PEMT: variants seen among roughly 807,000 people sequenced by gnomAD.
PEMT encodes the protein phosphatidylethanolamine N-methyltransferase.
PEMT carries 23 observed loss-of-function variants against 27.4 expected under a neutral mutation model. That is an observed-to-expected ratio of 0.84 (90% CI 0.60 to 1.19). PEMT has a LOEUF of 1.19. Ranked by LOEUF, PEMT falls within the 50% of genes most tolerant of loss-of-function variation. PEMT has a pLI of 0.00. For missense variants in PEMT, 307 were observed against 310.1 expected, an observed-to-expected ratio of 0.99 and a Z score of 0.07; for synonymous variants, 137 against 139.1, an observed-to-expected ratio of 0.98 and a Z score of 0.11.
chr17:17,552,737 G>A (rs1325845817), intron 2 of PEMT, among the ~76,000 whole-genome samples: 1 of 152,250 alleles, frequency 6.6e-6, no homozygotes, highest in Admixed American at 6.5e-5. Flanking sequence ...CTCTGCTGTC[G>A]TTTCGACATG....
chr17:17,515,845 T>A (rs1249116553), intron 3 of PEMT, among the ~76,000 whole-genome samples: 3 of 152,206 alleles, frequency 2.0e-5, no homozygotes, highest in Non-Finnish European at 4.4e-5. Context: ...TTCATTTGCC[T>A]TGGGTTCTAT....
intron 2 of PEMT, chr17:17,570,590 G>A (rs1284971199): frequency 2.0e-6 from 2 of 985,334 alleles, no homozygotes; most frequent in African/African-American, 1.7e-5. Context: ...GGTAACAAAG[G>A]TCTGTGGGCA....
intron 2 of PEMT, among the ~76,000 whole-genome samples, chr17:17,530,856 T>C (rs867520678): frequency 1.2e-4 from 19 of 152,056 alleles, no homozygotes; most frequent in African/African-American, 4.6e-4. Context: ...CATGATTTAT[T>C]TCTATTTCTA....
At chr17:17,547,837 T>C (rs1247598057) in intron 2 of PEMT, among the ~76,000 whole-genome samples, 1 of 152,174 alleles carries the variant, frequency 6.6e-6, no homozygotes, top group Non-Finnish European at 1.5e-5. Context: ...GGTGTCTGCA[T>C]GACAGGAGCC....
At chr17:17,548,333 C>T (rs1259833580) in intron 2 of PEMT, among the ~76,000 whole-genome samples, 2 of 152,194 alleles carry the variant, frequency 1.3e-5, no homozygotes, top group African/African-American at 4.8e-5. Context: ...GGAGGGACAG[C>T]GTGTATACAA....
chr17:17,554,340 C>T (rs1185745865), intron 2 of PEMT, among the ~76,000 whole-genome samples: 1 of 152,224 alleles, frequency 6.6e-6, no homozygotes, highest in African/African-American at 2.4e-5. Flanking sequence ...CAGATGTTCA[C>T]AGCCCCCCTC....
intron 5 of PEMT, 71 bp downstream of exon 5, chr17:17,509,363 G>C: frequency 9.9e-7 from 1 of 1,010,224 alleles, no homozygotes; most frequent in Middle Eastern, 2.4e-4. Context: ...TGGCCCCCGC[G>C]TCCTGAGCTG....
chr17:17,511,486 C>T (rs1175455865), intron 4 of PEMT, among the ~76,000 whole-genome samples: 1 of 152,198 alleles, frequency 6.6e-6, no homozygotes, highest in African/African-American at 2.4e-5. Context: ...TGACAGCCCA[C>T]GGTGCCCTGG....
At chr17:17,508,801 G>A (rs1239727513) in intron 5 of PEMT, 1 of 464,018 alleles carries the variant, frequency 2.2e-6, no homozygotes, top group Non-Finnish European at 4.5e-6. Context: ...TCATGGCACG[G>A]GGCCCCCTCT....
chr17:17,552,238 G>A (rs1187624870), intron 2 of PEMT, among the ~76,000 whole-genome samples: 1 of 150,966 alleles, frequency 6.6e-6, no homozygotes, highest in Non-Finnish European at 1.5e-5. Context: ...CTTGAACCCA[G>A]GAGGCGGAGG....
At chr17:17,588,909 A>G (rs1298493716) in intron 1 of PEMT, among the ~76,000 whole-genome samples, 2 of 152,348 alleles carry the variant, frequency 1.3e-5, no homozygotes, top group African/African-American at 4.8e-5. Flanking sequence ...GTGGGGCTGC[A>G]GCGGGCACAC....
chr17:17,581,421 G>A (rs1406970300), intron 1 of PEMT, among the ~76,000 whole-genome samples: 2 of 152,218 alleles, frequency 1.3e-5, no homozygotes, highest in South Asian at 2.1e-4. Flanking sequence ...GAGGAGCAGA[G>A]CCAGCCTGAG....
At chr17:17,566,766 AAC>A (rs1479954606) in intron 2 of PEMT, among the ~76,000 whole-genome samples, 1 of 152,226 alleles carries the variant, frequency 6.6e-6, no homozygotes, top group African/African-American at 2.4e-5. Context: ...AGATGCACCC[AAC>A]TGGGCGCAGG....
In PEMT at chr17:17,561,089, C is replaced by G. The variant is rs1003609417; in HGVS notation, c.204+15831G>C. Among the ~76,000 whole-genome samples the G allele has an allele frequency of 1.3e-5, 2 of 152,070 alleles. No homozygotes were observed. Among genetic ancestry groups the G allele is most frequent in the African/African-American group, 4.8e-5 (2 of 41,422 alleles). ...ACTCAAATCCTATTTGCCTCAGGTTCCAGGGAGTCTCACATGATGGGCAGG... is the reference window on the plus strand; with the variant it reads ...ACTCAAATCCTATTTGCCTCAGGTTGCAGGGAGTCTCACATGATGGGCAGG... On this transcript the variant is annotated intron_variant, in intron 2 of 6. Coordinates refer to ENST00000255389, the MANE Select transcript of PEMT (RefSeq NM_148172.3). The surrounding 1 kb of genome is among the most constrained non-coding windows in gnomAD (Gnocchi z 4.5).
chr17:17,520,934 C>A (rs1271416362), intron 3 of PEMT, among the ~76,000 whole-genome samples: 1 of 152,234 alleles, frequency 6.6e-6, no homozygotes, highest in Non-Finnish European at 1.5e-5. Context: ...AGGGGGAAGG[C>A]CTAGGCCACC....
chr17:17,586,356 G>A (rs1445240658), intron 1 of PEMT, among the ~76,000 whole-genome samples: 1 of 151,710 alleles, frequency 6.6e-6, no homozygotes, highest in African/African-American at 2.4e-5. Flanking sequence ...CCAGTGGCTG[G>A]ACCTGACCAC....
intron 2 of PEMT, among the ~76,000 whole-genome samples, chr17:17,527,791 A>G (rs947156166): frequency 1.3e-5 from 2 of 152,148 alleles, no homozygotes; most frequent in Non-Finnish European, 2.9e-5. Context: ...CCCCAGGGAG[A>G]GGACAGGCAG....
intron 2 of PEMT, among the ~76,000 whole-genome samples, chr17:17,559,497 G>A (rs1026178567): frequency 1.3e-5 from 2 of 152,246 alleles, no homozygotes; most frequent in Non-Finnish European, 2.9e-5. Context: ...CTGGGCACCT[G>A]TGGAGAGGGA....
intron 3 of PEMT, among the ~76,000 whole-genome samples, chr17:17,518,622 G>A (rs1907029025): frequency 6.6e-6 from 1 of 152,232 alleles, no homozygotes; most frequent in Non-Finnish European, 1.5e-5. Flanking sequence ...CCGCTGGCAG[G>A]TCAGCTGCTG....
Sources: allele counts gnomAD v4.1 joint callset (sites outside exome capture counted in the v4.1 genomes callset), GRCh38; gene constraint gnomAD v4.1.1; non-coding constraint Gnocchi (gnomAD v3.1); transcripts MANE v1.5; gene names NCBI Gene and HGNC (gene_info 2026-07-23, HGNC 2026-07-21).